Variants in CRPPA observed in about 807,000 individuals in gnomAD.
The protein encoded by CRPPA is D-ribitol-5-phosphate cytidylyltransferase.
Under a neutral mutation model 52.0 loss-of-function variants are expected in CRPPA, and 43 were observed. That is an observed-to-expected ratio of 0.83 (90% CI 0.65 to 1.07). The LOEUF (loss-of-function observed/expected upper bound fraction) is 1.07. Ranked by LOEUF, CRPPA falls within the 50% of genes least tolerant of loss-of-function variation. CRPPA has a pLI of 0.00. For missense variants in CRPPA, 629 were observed against 551.7 expected (o/e 1.14, Z -1.40); for synonymous variants, 250 against 203.5 (o/e 1.23, Z -1.94).
chr7:16,146,260 C>G (rs186297823), intron 9 of CRPPA, among the ~76,000 whole-genome samples: 1 of 150,750 alleles, frequency 6.6e-6, no homozygotes, highest in East Asian at 1.9e-4. Flanking sequence ...AGCTGTCATT[C>G]GAGAGTGGAG....
intron 8 of CRPPA, among the ~76,000 whole-genome samples, chr7:16,229,875 CT>C (rs1782746162): frequency 6.6e-6 from 1 of 151,998 alleles, no homozygotes; most frequent in Admixed American, 6.6e-5. Context: ...TTCATCTTTT[CT>C]TCATTTCTGA....
At chr7:16,262,673 C>T (rs1783840313) in intron 6 of CRPPA, among the ~76,000 whole-genome samples, 1 of 152,166 alleles carries the variant, frequency 6.6e-6, no homozygotes, top group South Asian at 2.1e-4. Flanking sequence ...TGAGATGCCA[C>T]AGAAAATTGA....
In CRPPA at chr7:16,191,110, T is replaced by C. The variant is rs557645805; in HGVS notation, c.1251+24956A>G. On this transcript the variant is annotated intron_variant, in intron 9 of 9. Coordinates refer to ENST00000407010, the MANE Select transcript of CRPPA (RefSeq NM_001101426.4). ...GTTGCTATAAACATACACGTGCAAG[T>C]ATCTTTTTTGTATAATGACTTCTTT... 1.7e-4 allele frequency among the ~76,000 whole-genome samples: 26 copies of C among 152,250 alleles called. 1 individual carries two copies. Among genetic ancestry groups the C allele is most frequent in the Middle Eastern group, 3.4e-3 (1 of 292 alleles).
At position 16,087,989 on chromosome 7, in the gene CRPPA, CT is replaced by C. The variant is rs1246228344; in HGVS notation, c.*3705del. 1.3e-5 allele frequency: 2 copies of C among 152,062 alleles called. No individual in the cohort carries two copies. Among genetic ancestry groups the C allele is most frequent in the Non-Finnish European group, 2.9e-5 (2 of 67,998 alleles). The allele number at this position is 152,062 out of a possible 1,614,324, so 9.4% of individuals were successfully genotyped here. A position where few individuals can be genotyped will look rare whatever the true frequency, so the allele number is the denominator to read the frequency against. On this transcript the variant is annotated 3_prime_UTR_variant, in exon 10 of 10. Transcript: ENST00000407010. ...TTATAAGTTAGGGAAGAAAAAATTT[CT>C]GTTAAATTAATGTAAAATACTTACA... is the stretch of plus-strand genomic sequence containing the variant.
intron 2 of CRPPA, among the ~76,000 whole-genome samples, chr7:16,391,367 T>G (rs1172299845): frequency 1.3e-5 from 2 of 152,158 alleles, no homozygotes; most frequent in African/African-American, 4.8e-5. Flanking sequence ...TCACTGTCTC[T>G]GCTATCCAAG....
intron 8 of CRPPA, among the ~76,000 whole-genome samples, chr7:16,254,831 AAGAAAGAAAGAAAG>A: frequency 6.8e-6 from 1 of 148,062 alleles, no homozygotes; most frequent in African/African-American, 2.5e-5. Flanking sequence ...GAAAGAAAGA[AAGAAAGAAAGAAAG>A]AGAAAGAAGA....
intron 1 of CRPPA, among the ~76,000 whole-genome samples, chr7:16,410,001 G>C (rs1326781559): frequency 6.6e-6 from 1 of 152,134 alleles, no homozygotes; most frequent in African/African-American, 2.4e-5. Flanking sequence ...ACACAGCATA[G>C]TCTCAAGGAC....
In CRPPA at chr7:16,406,100, A is replaced by G. The variant is rs1301926095; in HGVS notation, c.495T>C (p.Gly165=). ...CAGCTGTGACAACTTTAAGAAGGAC[A>G]CCTTCCTCAACAAATGGTCTCACAG... ...HDAVRPFVEE[G]VLLKVVTAAK... is the part of the protein sequence containing the mutation. The change falls in exon 2 of 10, where the codon GGT becomes GGC. Residue 165 remains glycine (G), a synonymous_variant. Transcript: ENST00000407010. 6.2e-7 allele frequency: 1 copy of G among 1,613,750 alleles called. No individual in the cohort carries two copies. Among genetic ancestry groups the G allele is most frequent in the Non-Finnish European group, 8.5e-7 (1 of 1,179,840 alleles).
chr7:16,206,298 C>T (rs1781972394), intron 9 of CRPPA, among the ~76,000 whole-genome samples: 1 of 151,908 alleles, frequency 6.6e-6, no homozygotes, highest in Non-Finnish European at 1.5e-5. Context: ...TTTAGTGGTC[C>T]ATATTTTAAT....
rs1337322006 is a variant in CRPPA at position 16,093,518 on chromosome 7, G to A, written c.1252-1719C>T. On this transcript the variant is annotated intron_variant, in intron 9 of 9. Coordinates refer to ENST00000407010, the MANE Select transcript of CRPPA (RefSeq NM_001101426.4). Reference sequence around the variant, plus strand: ...CTTTTCTATCAATTTCCTTGATTGTGTTCTGAGGGGTGGAGCTGGAGAAGA... The same window carrying A: ...CTTTTCTATCAATTTCCTTGATTGTATTCTGAGGGGTGGAGCTGGAGAAGA... Among the ~76,000 whole-genome samples, 9 of 152,120 alleles carry A rather than the reference G, an allele frequency of 5.9e-5. No homozygotes were observed. In the East Asian group the frequency reaches 1.7e-3, roughly 29 times the overall value.
At chr7:16,314,154 G>C (rs542832957) in intron 3 of CRPPA, among the ~76,000 whole-genome samples, 2 of 150,386 alleles carry the variant, frequency 1.3e-5, no homozygotes, top group Non-Finnish European at 2.9e-5. Context: ...AATTCTATTA[G>C]TTTTTGCCTC....
chr7:16,380,177 T>G (rs1367862236), intron 2 of CRPPA, among the ~76,000 whole-genome samples: 3 of 151,426 alleles, frequency 2.0e-5, no homozygotes, highest in South Asian at 4.2e-4. Context: ...AATACCTAAT[T>G]TATTGAGAGT....
At chr7:16,310,489 A>C (rs1462768268) in intron 3 of CRPPA, among the ~76,000 whole-genome samples, 1 of 152,210 alleles carries the variant, frequency 6.6e-6, no homozygotes, top group South Asian at 2.1e-4. Context: ...GGCAAAAATA[A>C]AGCACTCGAG....
At chr7:16,387,064 T>TATATATATATATATATACAC (rs1562671447) in intron 2 of CRPPA, among the ~76,000 whole-genome samples, 20 of 73,972 alleles carry the variant, frequency 2.7e-4, no homozygotes, top group Admixed American at 4.1e-4. Flanking sequence ...TATATATATA[T>TATATATATATATATATACAC]ATATATATAT....
chr7:16,150,754 T>C (rs1438701784), intron 9 of CRPPA, among the ~76,000 whole-genome samples: 1 of 152,200 alleles, frequency 6.6e-6, no homozygotes, highest in African/African-American at 2.4e-5. Context: ...GAAAAAATTA[T>C]TTCAGTCCTA....
intron 1 of CRPPA, among the ~76,000 whole-genome samples, chr7:16,419,189 A>C (rs931784098): frequency 1.3e-5 from 2 of 152,246 alleles, no homozygotes; most frequent in Non-Finnish European, 2.9e-5. Flanking sequence ...AGATTACCTA[A>C]ATCAGTGATT....
intron 9 of CRPPA, among the ~76,000 whole-genome samples, chr7:16,151,478 C>G (rs1783074762): frequency 6.6e-6 from 1 of 152,054 alleles, no homozygotes; most frequent in Non-Finnish European, 1.5e-5. Context: ...ACTATGTTGC[C>G]TGTTCCTTGC....
At chr7:16,231,521 C>T (rs571176715) in intron 8 of CRPPA, among the ~76,000 whole-genome samples, 4 of 152,152 alleles carry the variant, frequency 2.6e-5, no homozygotes, top group African/African-American at 4.8e-5. Flanking sequence ...TTAATTTACA[C>T]ATCCATACTG....
chr7:16,338,972 C>A (rs945832496), intron 3 of CRPPA, among the ~76,000 whole-genome samples: 3 of 151,950 alleles, frequency 2.0e-5, no homozygotes, highest in African/African-American at 4.8e-5. Flanking sequence ...TCCGTCACCA[C>A]GCCGGCTAAT....
Sources: gnomAD v4.1 joint callset for allele counts (sites outside exome capture counted in the v4.1 genomes callset) on GRCh38, gnomAD v4.1.1 for gene constraint, MANE v1.5 for transcripts, NCBI Gene and HGNC (gene_info 2026-07-23, HGNC 2026-07-21) for gene names.